The following GALNT11 variants were observed in gnomAD, a reference collection of about 807,000 sequenced individuals.
The protein encoded by GALNT11 is polypeptide N-acetylgalactosaminyltransferase 11.
GALNT11 carries 47 observed loss-of-function variants against 72.7 expected under a neutral mutation model. The observed-to-expected ratio is 0.65, with a 90% CI of 0.51 to 0.82. GALNT11 has a LOEUF of 0.82. Ranked by LOEUF, GALNT11 falls within the 40% of genes least tolerant of loss-of-function variation. GALNT11 has a pLI of 0.00. For missense variants in GALNT11, 677 were observed against 778.4 expected (o/e 0.87, Z 1.55); for synonymous variants, 270 against 286.6 (o/e 0.94, Z 0.58).
At chr7:152,057,004 A>G (rs1040849750) in intron 1 of GALNT11, among the ~76,000 whole-genome samples, 2 of 74,930 alleles carry the variant, frequency 2.7e-5, no homozygotes, top group Admixed American at 3.3e-4. Flanking sequence ...ATGCCCAGCT[A>G]TTTTTTTTTT....
At chr7:152,069,997 C>CTTTTTTTT (rs879494057) in intron 1 of GALNT11, among the ~76,000 whole-genome samples, 42 of 143,434 alleles carry the variant, frequency 2.9e-4, no homozygotes, top group East Asian at 1.4e-3. Flanking sequence ...TTTTCTTTTT[C>CTTTTTTTT]TTTTTCTTTT....
chr7:152,107,968 A>C, intron 5 of GALNT11, 70 bp from the exon 6 acceptor site: 1 of 1,538,156 alleles, frequency 6.5e-7, no homozygotes, highest in Non-Finnish European at 8.8e-7. Context: ...GCGTCATCCC[A>C]TTGGACGGGT....
Position 152,110,644 on chromosome 7 carries a change from G to A in GALNT11, c.1079G>A (p.Arg360Gln), listed in dbSNP as rs760663128. Residue 360 changes from arginine (R) to glutamine (Q), a missense_variant and splice_region_variant, in exon 7 of 12, where the codon CGG becomes CAG. Physicochemically the swap from Arg to Gln is conservative, Grantham distance 43 (BLOSUM62 1). Coordinates refer to ENST00000430044, the MANE Select transcript of GALNT11 (RefSeq NM_022087.4). ...GGAGAAAATTTGGAAATATCATTTC[G>A]GGTAATTTAATTTTTGCATGCTCAA... ...WGGENLEISFRIWMCGGKLFI... is the reference protein window; with the variant it reads ...WGGENLEISFQIWMCGGKLFI... The A allele has an allele frequency of 1.4e-5, 23 of 1,588,120 alleles. No homozygotes were observed. Among genetic ancestry groups the A allele is most frequent in the Admixed American group, 5.1e-5 (3 of 58,568 alleles).
chr7:152,105,339 A>T lies in GALNT11; in HGVS notation c.681A>T (p.Arg227=). The T allele has an allele frequency of 6.2e-7, 1 of 1,613,982 alleles. No homozygotes were observed. The highest frequency in any genetic ancestry group is 1.7e-4 in the Middle Eastern group (1 of 6,058). Residue 227 remains arginine (R), a synonymous_variant, in exon 5 of 12, where the codon CGA becomes CGT. Transcript: ENST00000430044. ...ATACAAAGCGTGAGGGGTTGATTCGAGGGAGAATGATTGGCGCGGCCCACG... is the reference window on the plus strand; with the variant it reads ...ATACAAAGCGTGAGGGGTTGATTCGTGGGAGAATGATTGGCGCGGCCCACG... ...IRNTKREGLI[R]GRMIGAAHAT... is the part of the protein sequence containing the mutation.
At chr7:152,047,845 T>A (rs551600746) in intron 1 of GALNT11, among the ~76,000 whole-genome samples, 1 of 151,230 alleles carries the variant, frequency 6.6e-6, no homozygotes, top group East Asian at 1.9e-4. Flanking sequence ...TATTTATATC[T>A]TATTGTATTG....
At chr7:152,082,181 A>T (rs1239498309) in intron 1 of GALNT11, among the ~76,000 whole-genome samples, 4 of 152,234 alleles carry the variant, frequency 2.6e-5, no homozygotes, top group Admixed American at 6.5e-5. Context: ...TAGAAGGTAT[A>T]CCATGTGTTA....
intron 1 of GALNT11, among the ~76,000 whole-genome samples, chr7:152,055,588 T>C (rs373365225): frequency 2.8e-4 from 42 of 150,508 alleles, no homozygotes; most frequent in East Asian, 2.2e-3. Context: ...TATATATATA[T>C]ACACACAAAG....
chr7:152,031,122 G>C (rs2082286342), intron 1 of GALNT11, among the ~76,000 whole-genome samples: 1 of 152,208 alleles, frequency 6.6e-6, no homozygotes, highest in Admixed American at 6.5e-5. Flanking sequence ...TAAGGCTCAG[G>C]TAAGTGCCAC....
chr7:152,027,079 C>G (rs990050255), intron 1 of GALNT11, among the ~76,000 whole-genome samples: 12 of 152,260 alleles, frequency 7.9e-5, no homozygotes, highest in African/African-American at 2.6e-4. Context: ...GAAATCCCGT[C>G]TCTACTAAAA....
intron 1 of GALNT11, among the ~76,000 whole-genome samples, chr7:152,026,614 T>C (rs924431461): frequency 5.9e-5 from 9 of 152,360 alleles, no homozygotes; most frequent in African/African-American, 2.2e-4. Context: ...TGTATTTATG[T>C]AAAAATGCAG....
intron 1 of GALNT11, among the ~76,000 whole-genome samples, chr7:152,044,101 G>GAC (rs979564004): frequency 1.3e-5 from 2 of 152,162 alleles, no homozygotes; most frequent in African/African-American, 4.8e-5. Context: ...AGGAATTAAA[G>GAC]ACACACACAC....
intron 1 of GALNT11, among the ~76,000 whole-genome samples, chr7:152,031,119 C>T (rs958190738): frequency 3.3e-5 from 5 of 152,194 alleles, no homozygotes; most frequent in African/African-American, 1.2e-4. Context: ...TTCTAAGGCT[C>T]AGGTAAGTGC....
intron 4 of GALNT11, chr7:152,104,318 A>C (rs1563074476): frequency 6.6e-6 from 1 of 152,244 alleles, no homozygotes; most frequent in Non-Finnish European, 1.5e-5. Flanking sequence ...GGTGTATGCC[A>C]GTGACTTTTT....
In GALNT11 at chr7:152,108,243, C is replaced by G. The variant is rs756954040; in HGVS notation, c.918C>G (p.Pro306=). 6 of 1,613,822 alleles carry G rather than the reference C, an allele frequency of 3.7e-6. No individual in the cohort carries two copies. Among genetic ancestry groups the G allele is most frequent in the Non-Finnish European group, 5.1e-6 (6 of 1,179,832 alleles). ...WGLHFKWDLV[P]LSELGRAEGA... is the part of the protein sequence containing the mutation. ...TGCACTTCAAATGGGATCTTGTCCC[C>G]CTTTCTGAGCTAGGACGAGCGGAGG... The change falls in exon 6 of 12, where the codon CCC becomes CCG. Residue 306 remains proline (P), a synonymous_variant. Coordinates refer to ENST00000430044, the MANE Select transcript of GALNT11 (RefSeq NM_022087.4).
At position 152,046,410 on chromosome 7, in the gene GALNT11, T is replaced by C. The variant is rs183603110; in HGVS notation, c.-39+20526T>C. ...TGCTGAAAATGAAGCATTGGGAGTC[T>C]TCAGTTATTGTATTGGGATCTATCT... On this transcript the variant is annotated intron_variant, in intron 1 of 11. Transcript: ENST00000430044. Among the ~76,000 whole-genome samples, 609 of 152,282 alleles carry C rather than the reference T, an allele frequency of 4.0e-3. 3 individuals carry two copies. Among genetic ancestry groups the C allele is most frequent in the Non-Finnish European group, 4.9e-3 (334 of 68,002 alleles).
At chr7:152,101,068 T>C (rs978654864) in intron 3 of GALNT11, 147 bp downstream of exon 3, 1 of 1,104,684 alleles carries the variant, frequency 9.1e-7, no homozygotes, top group African/African-American at 1.6e-5. Context: ...TTTCCACTTG[T>C]ATTATATGTG....
At position 152,117,307 on chromosome 7, in the gene GALNT11, G is replaced by T. The variant is rs780729346; in HGVS notation, c.1384G>T (p.Ala462Ser). 1.2e-6 allele frequency: 2 copies of T among 1,614,098 alleles called. No homozygotes were observed. Among genetic ancestry groups the T allele is most frequent in the African/African-American group, 1.3e-5 (1 of 74,996 alleles). ...AGAGATGCAGATATCTGGGTCCCAC[G>T]CCAAACCCCAACAACCCATTTTTGT... ...YPEMQISGSH[A>S]KPQQPIFVNR... The change falls in exon 9 of 12, where the codon GCC becomes TCC. Residue 462 changes from alanine to serine, a missense_variant. Coordinates refer to ENST00000430044, the MANE Select transcript of GALNT11 (RefSeq NM_022087.4).
At chr7:152,053,785 G>A (rs985439885) in intron 1 of GALNT11, among the ~76,000 whole-genome samples, 132 of 152,268 alleles carry the variant, frequency 8.7e-4, no homozygotes, top group African/African-American at 3.1e-3. Flanking sequence ...CTTGAGGCCA[G>A]GAGTTTGAGA....
rs551395447 is a variant in GALNT11, at chr7:152,090,780, CCTT to C, written c.-38-3404_-38-3402del. 1.1e-3 allele frequency among the ~76,000 whole-genome samples: 166 copies of C among 152,250 alleles called. 1 individual carries two copies. Among genetic ancestry groups the C allele is most frequent in the African/African-American group, 3.8e-3 (157 of 41,522 alleles). On this transcript the variant is annotated intron_variant, in intron 1 of 11. Coordinates refer to ENST00000430044, the MANE Select transcript of GALNT11 (RefSeq NM_022087.4). Reference sequence around the variant, plus strand: ...CTCCATCTTCCTGAAGCTTCACACACCTTCTTCTCCTCGTTGCTCTTCCTGCTT... The same window carrying C: ...CTCCATCTTCCTGAAGCTTCACACACCTTCTCCTCGTTGCTCTTCCTGCTT...
Sources: gnomAD v4.1 joint callset for allele counts (sites outside exome capture counted in the v4.1 genomes callset) on GRCh38, gnomAD v4.1.1 for gene constraint, MANE v1.5 for transcripts, NCBI Gene and HGNC (gene_info 2026-07-23, HGNC 2026-07-21) for gene names.